TTC28: variants seen among roughly 807,000 people sequenced by gnomAD.
TTC28 encodes tetratricopeptide repeat domain 28.
A neutral mutation model predicts 198.0 loss-of-function variants in TTC28; 61 were observed. That is an observed-to-expected ratio of 0.31 (90% CI 0.25 to 0.38). The LOEUF is 0.38. Among genes scored for constraint, TTC28 ranks in the 10% least tolerant of loss-of-function variants. The probability of loss-of-function intolerance (pLI) is 1.00; values close to 1 mark genes in which losing one functional copy is unlikely to be tolerated. For missense variants in TTC28, 2,678 were observed against 3,164.0 expected, an observed-to-expected ratio of 0.85 and a Z score of 3.69; for synonymous variants, 1,171 against 1,297.8, an observed-to-expected ratio of 0.90 and a Z score of 2.10.
chr22:28,001,034 A>G (rs1005556465), intron 15 of TTC28: 1 of 214,928 alleles, frequency 4.7e-6, no homozygotes, highest in African/African-American at 2.2e-5. Flanking sequence ...CATCGTGTGG[A>G]TGGTGGGTGA....
Position 27,983,540 on chromosome 22 carries a change from G to C in TTC28, c.6127C>G (p.Pro2043Ala). The change falls in exon 23 of 23, where the codon CCC becomes GCC. Residue 2043 changes from proline (P) to alanine (A), a missense_variant. This residue lies in a region of TTC28 where 622 missense variants were observed against 656.0 expected (regional missense o/e 0.95). Coordinates refer to ENST00000397906, the MANE Select transcript of TTC28 (RefSeq NM_001145418.2). ...TTGTTGCCTGCAGGGCGGGTCTGGG[G>C]AGGCAGCTGGCTCCTAGGCAGGGTG... is the stretch of plus-strand genomic sequence containing the variant. ...RSTLPRSQLPPQTRPAGNKDE... is the reference protein window; with the variant it reads ...RSTLPRSQLPAQTRPAGNKDE... The C allele has an allele frequency of 1.3e-6, 2 of 1,551,370 alleles. No individual in the cohort carries two copies. The highest frequency in any genetic ancestry group is 2.4e-5 in the South Asian group (2 of 84,020).
chr22:28,412,064 G>A (rs925171649), intron 2 of TTC28, among the ~76,000 whole-genome samples: 14 of 152,234 alleles, frequency 9.2e-5, no homozygotes, highest in Non-Finnish European at 1.6e-4. Context: ...GGGTTGACAC[G>A]TCACTGAGGC....
At chr22:28,101,007 T>C (rs1192284272) in intron 9 of TTC28, among the ~76,000 whole-genome samples, 164 bp downstream of exon 9, 1 of 152,182 alleles carries the variant, frequency 6.6e-6, no homozygotes, top group Non-Finnish European at 1.5e-5. Flanking sequence ...TCTTTACTAA[T>C]TGTTCAAATA....
intron 2 of TTC28, among the ~76,000 whole-genome samples, chr22:28,424,693 G>C (rs2047319953): frequency 6.6e-6 from 1 of 152,040 alleles, no homozygotes; most frequent in Non-Finnish European, 1.5e-5. Flanking sequence ...TCACCTCTGG[G>C]CTTTATTATA....
intron 2 of TTC28, among the ~76,000 whole-genome samples, chr22:28,570,433 C>T (rs2050042214): frequency 6.6e-6 from 1 of 152,126 alleles, no homozygotes; most frequent in African/African-American, 2.4e-5. Context: ...TGGAGGCCAT[C>T]ATTCTAAGCA....
intron 2 of TTC28, among the ~76,000 whole-genome samples, chr22:28,578,398 T>C (rs909178570): frequency 6.6e-6 from 1 of 152,176 alleles, no homozygotes; most frequent in Non-Finnish European, 1.5e-5. Flanking sequence ...ACCACTGGCA[T>C]ACAATATGTT....
At chr22:28,494,035 G>A (rs1568978519) in intron 2 of TTC28, among the ~76,000 whole-genome samples, 2 of 152,194 alleles carry the variant, frequency 1.3e-5, no homozygotes, top group African/African-American at 4.8e-5. Flanking sequence ...AGGGAAATCT[G>A]AACACTGATT....
chr22:28,280,385 G>T (rs1303427548), intron 5 of TTC28, among the ~76,000 whole-genome samples: 10 of 151,882 alleles, frequency 6.6e-5, no homozygotes, highest in Non-Finnish European at 1.3e-4. Context: ...GGAGTGCAAT[G>T]GCGCGACCTC....
chr22:28,584,589 C>A (rs1250186448), intron 2 of TTC28, among the ~76,000 whole-genome samples: 2 of 152,148 alleles, frequency 1.3e-5, no homozygotes, highest in Non-Finnish European at 2.9e-5. Context: ...GCTAGTGTAA[C>A]TAAGAGACTG....
chr22:28,210,731 G>A (rs1023210120), intron 5 of TTC28, among the ~76,000 whole-genome samples: 5 of 152,144 alleles, frequency 3.3e-5, no homozygotes, highest in Non-Finnish European at 7.4e-5. Context: ...TATTCTCCAG[G>A]AGAACTTCCC....
chr22:28,169,034 A>G (rs1165764302), intron 5 of TTC28, among the ~76,000 whole-genome samples: 2 of 152,230 alleles, frequency 1.3e-5, no homozygotes, highest in East Asian at 1.9e-4. Context: ...ACACTTCTCA[A>G]AAGAAGACAT....
chr22:28,639,774 C>T (rs989345375), intron 1 of TTC28, among the ~76,000 whole-genome samples: 3 of 152,072 alleles, frequency 2.0e-5, no homozygotes, highest in Non-Finnish European at 4.4e-5. Flanking sequence ...TGTAAATTGC[C>T]CAGTTTCGGG....
chr22:28,121,956 C>T (rs967743377), intron 6 of TTC28, among the ~76,000 whole-genome samples: 3 of 152,192 alleles, frequency 2.0e-5, no homozygotes, highest in Non-Finnish European at 4.4e-5. Context: ...CAAACTCCGC[C>T]TCCCAGGTTC....
rs144210944 is a variant in TTC28 at position 27,985,718 on chromosome 22, A to G, written c.5708-362T>C. On this transcript the variant is annotated intron_variant, in intron 21 of 22. Transcript: ENST00000397906. ...AGTACAGTCTATATAAAGACTGTCC[A>G]GGACAAAAACTGGCCACTCCATTCA... 2.5e-3 allele frequency: 429 copies of G among 174,840 alleles called. 1 individual carries two copies. Among genetic ancestry groups the G allele is most frequent in the Middle Eastern group, 0.011 (4 of 354 alleles). The allele number at this position is 174,840 out of a possible 1,614,324, so 10.8% of individuals were successfully genotyped here.
intron 2 of TTC28, among the ~76,000 whole-genome samples, chr22:28,610,815 A>G (rs913770299): frequency 1.3e-5 from 2 of 152,200 alleles, no homozygotes; most frequent in Non-Finnish European, 2.9e-5. Context: ...AAGGAAGCTA[A>G]GAACCTTGAA....
At chr22:28,140,363 T>C (rs1943303143) in intron 6 of TTC28, among the ~76,000 whole-genome samples, 1 of 152,228 alleles carries the variant, frequency 6.6e-6, no homozygotes, top group Non-Finnish European at 1.5e-5. Context: ...GCTCTAGAAC[T>C]AATAAGGTCC....
intron 5 of TTC28, among the ~76,000 whole-genome samples, chr22:28,263,786 G>A (rs1209681814): frequency 6.6e-6 from 1 of 152,038 alleles, no homozygotes; most frequent in Non-Finnish European, 1.5e-5. Context: ...AGAACAAAAG[G>A]AGTAGGGGGT....
chr22:28,442,071 T>C (rs1479799917), intron 2 of TTC28, among the ~76,000 whole-genome samples: 2 of 152,078 alleles, frequency 1.3e-5, no homozygotes, highest in Non-Finnish European at 2.9e-5. Context: ...TTTAGAAACG[T>C]TATTTCTGGG....
intron 2 of TTC28, among the ~76,000 whole-genome samples, chr22:28,507,904 G>A (rs1332171059): frequency 6.6e-6 from 1 of 152,130 alleles, no homozygotes; most frequent in Non-Finnish European, 1.5e-5. Flanking sequence ...AGCTCCTGAA[G>A]GAAGCACTAA....
Sources: gnomAD v4.1 joint callset for allele counts (sites outside exome capture counted in the v4.1 genomes callset) on GRCh38, gnomAD v4.1.1 for gene constraint, gnomAD v4.1.1 regional missense constraint, MANE v1.5 for transcripts, NCBI Gene and HGNC (gene_info 2026-07-23, HGNC 2026-07-21) for gene names.